GYPE: variants seen among roughly 807,000 people sequenced by gnomAD.
GYPE encodes the protein glycophorin-E.
In GYPE, 8 loss-of-function variants were observed where a neutral mutation model predicts 11.6. The observed-to-expected ratio is 0.69, with a 90% CI of 0.41 to 1.25. The LOEUF is 1.25. GYPE is among the 50% of genes most tolerant of loss of function. The pLI is 0.01. For missense variants in GYPE, 90 were observed against 92.8 expected, an observed-to-expected ratio of 0.97 and a Z score of 0.12; for synonymous variants, 28 against 29.6, an observed-to-expected ratio of 0.94 and a Z score of 0.18.
intron 1 of GYPE, among the ~76,000 whole-genome samples, chr4:143,895,812 T>C (rs1744606959): frequency 6.6e-6 from 1 of 151,810 alleles, no homozygotes; most frequent in Non-Finnish European, 1.5e-5. Flanking sequence ...AACAGAGATA[T>C]AGATCAATGG....
At chr4:143,888,846 G>C (rs1308828737) in intron 1 of GYPE, among the ~76,000 whole-genome samples, 1,294 of 135,024 alleles carry the variant, frequency 9.6e-3, no homozygotes, top group African/African-American at 0.034. Flanking sequence ...TTTTTGGAAG[G>C]TTTTTATTAA....
chr4:143,877,354 G>C lies in GYPE; in HGVS notation c.137-499C>G, dbSNP rs543851451. ...AGCTGAATAAGGTTAACTTAGCCTT[G>C]GTCAGACAACTAGTTAAAAGTAGAA... On this transcript the variant is annotated intron_variant, in intron 2 of 3. Coordinates refer to ENST00000358615, the MANE Select transcript of GYPE (RefSeq NM_198682.3). Among the ~76,000 whole-genome samples, 139 of 152,182 alleles carry C rather than the reference G, an allele frequency of 9.1e-4. 1 individual carries two copies. The Middle Eastern group carries it at 0.01, about 11-fold the overall frequency.
chr4:143,898,386 T>G (rs369170704), intron 1 of GYPE, among the ~76,000 whole-genome samples: 37 of 152,122 alleles, frequency 2.4e-4, no homozygotes, highest in African/African-American at 5.3e-4. Context: ...TCAAAATAAA[T>G]CAATAAATAC....
intron 3 of GYPE, among the ~76,000 whole-genome samples, chr4:143,876,411 C>G (rs761964724): frequency 1.3e-5 from 2 of 152,138 alleles, no homozygotes; most frequent in Non-Finnish European, 2.9e-5. Context: ...TTATTTTAAA[C>G]ATTTTATTCA....
intron 1 of GYPE, among the ~76,000 whole-genome samples, chr4:143,888,135 A>T (rs1204364486): frequency 1.1e-5 from 1 of 95,002 alleles, no homozygotes. Flanking sequence ...ATGTTAGGAT[A>T]ACGACTGGAA....
chr4:143,890,108 G>T (rs370664574), intron 1 of GYPE, among the ~76,000 whole-genome samples: 1 of 152,316 alleles, frequency 6.6e-6, no homozygotes, highest in East Asian at 1.9e-4. Context: ...GAGATATAAA[G>T]ATGATAATTC....
At chr4:143,889,856 A>G (rs774737484) in intron 1 of GYPE, among the ~76,000 whole-genome samples, 14 of 152,180 alleles carry the variant, frequency 9.2e-5, no homozygotes, top group Non-Finnish European at 1.9e-4. Flanking sequence ...AGGAGGAAAA[A>G]AAAACATCAG....
Position 143,876,849 on chromosome 4 carries a change from G to T in GYPE, c.143C>A (p.Thr48Lys), listed in dbSNP as rs561685576. The stretch of plus-strand genomic sequence containing the variant: ...AGCCATCGCCCACCAATTAATGAGT[G>T]TTATCCCTACAGGAGATAAAGAGAG... ...SYISSQTNGI[T>K]LINWWAMARV... The change falls in exon 3 of 4, where the codon ACA becomes AAA. Residue 48 changes from threonine (T) to lysine (K), a missense_variant. Thr to Lys is a moderately conservative substitution (Grantham distance 78, BLOSUM62 -1). Transcript: ENST00000358615. The T allele has an allele frequency of 1.9e-6, 3 of 1,597,074 alleles. No homozygotes were observed. The highest frequency in any genetic ancestry group is 2.6e-6 in the Non-Finnish European group (3 of 1,165,224).
chr4:143,900,138 G>A (rs1744805556), intron 1 of GYPE, among the ~76,000 whole-genome samples: 1 of 151,586 alleles, frequency 6.6e-6, no homozygotes, highest in African/African-American at 2.4e-5. Flanking sequence ...TGAAGGACTA[G>A]AACCAACATT....
At chr4:143,873,454 A>G (rs1245038835) in intron 3 of GYPE, 1 of 455,746 alleles carries the variant, frequency 2.2e-6, no homozygotes, top group East Asian at 6.9e-5. Context: ...GTCAGAGCAA[A>G]TTATGTTACC....
At chr4:143,876,992 A>G in intron 2 of GYPE, 137 bp from the exon 3 acceptor site, 1 of 658,002 alleles carries the variant, frequency 1.5e-6, no homozygotes. Context: ...TATCATGTGT[A>G]TTTTGTCTTT....
intron 3 of GYPE, among the ~76,000 whole-genome samples, 178 bp downstream of exon 3, chr4:143,876,567 GC>G (rs1242918916): frequency 6.6e-6 from 1 of 151,968 alleles, no homozygotes; most frequent in African/African-American, 2.4e-5. Flanking sequence ...CTTTAATTGG[GC>G]AAATGCAAAA....
At chr4:143,897,892 A>C (rs1288587001) in intron 1 of GYPE, among the ~76,000 whole-genome samples, 2 of 152,214 alleles carry the variant, frequency 1.3e-5, no homozygotes, top group African/African-American at 4.8e-5. Context: ...AGTAGGCTAT[A>C]TACTTTAGAA....
At chr4:143,877,003 T>C in intron 2 of GYPE, 148 bp from the exon 3 acceptor site, 1 of 643,374 alleles carries the variant, frequency 1.6e-6, no homozygotes, top group Non-Finnish European at 2.9e-6. Context: ...TTTTGTCTTT[T>C]TTAAAACTGT....
rs180963280 is a variant in GYPE, at chr4:143,876,862, G to A, written c.137-7C>T. ...CAATTAATGAGTGTTATCCCTACAG[G>A]AGATAAAGAGAGCGGCAAAATTATG... On this transcript the variant is annotated splice_polypyrimidine_tract_variant and splice_region_variant and intron_variant, in intron 2 of 3. Coordinates refer to ENST00000358615, the MANE Select transcript of GYPE (RefSeq NM_198682.3). 6.5e-6 allele frequency: 10 copies of A among 1,538,754 alleles called. No individual in the cohort carries two copies. The East Asian group carries it at 1.8e-4, about 28-fold the overall frequency.
intron 3 of GYPE, chr4:143,873,409 A>T (rs764984931): frequency 2.2e-5 from 10 of 455,452 alleles, no homozygotes; most frequent in South Asian, 1.6e-4. Context: ...ATCCAGTTGA[A>T]TAATAAAGGT....
At chr4:143,899,735 C>T (rs1744791065) in intron 1 of GYPE, among the ~76,000 whole-genome samples, 1 of 138,012 alleles carries the variant, frequency 7.2e-6, no homozygotes, top group African/African-American at 2.7e-5. Flanking sequence ...GTCTCTTCAA[C>T]AAATGGTGCT....
Position 143,870,909 on chromosome 4 carries a change from T to C in GYPE, c.*1353A>G, listed in dbSNP as rs1283807386. 1 of 152,170 alleles carries C rather than the reference T, an allele frequency of 6.6e-6. No homozygotes were observed. Among genetic ancestry groups the C allele is most frequent in the Non-Finnish European group, 1.5e-5 (1 of 68,054 alleles). 9.4% of individuals were successfully genotyped at this position (152,170 alleles called of 1,614,324 possible). A position where few individuals can be genotyped will look rare whatever the true frequency, so the allele number is the denominator to read the frequency against. The stretch of plus-strand genomic sequence containing the variant: ...GGTTTTATTGATCTACAGTTTTGCA[T>C]GGCTGGGAAGGTCTCAGGATACTTA... On this transcript the variant is annotated 3_prime_UTR_variant, in exon 4 of 4. Transcript: ENST00000358615.
rs1214234322 is a variant in GYPE at position 143,901,641 on chromosome 4, G to T, written c.37+3830C>A. Among the ~76,000 whole-genome samples the T allele has an allele frequency of 5.4e-5, 8 of 149,128 alleles. No individual in the cohort carries two copies. In the East Asian group the frequency reaches 9.8e-4, roughly 18 times the overall value. ...GTCAGCACCATATAAGAAGGATTGG[G>T]TTTTTTTTTTGAGCAAAAGATATTA... is the stretch of plus-strand genomic sequence containing the variant. On this transcript the variant is annotated intron_variant, in intron 1 of 3. Coordinates refer to ENST00000358615, the MANE Select transcript of GYPE (RefSeq NM_198682.3).
Sources: gnomAD v4.1 joint callset for allele counts (sites outside exome capture counted in the v4.1 genomes callset) on GRCh38, gnomAD v4.1.1 for gene constraint, MANE v1.5 for transcripts, NCBI Gene and HGNC (gene_info 2026-07-23, HGNC 2026-07-21) for gene names.